Variants in INPP5F observed in about 807,000 individuals in gnomAD.
INPP5F encodes phosphatidylinositide 4-phosphatase SAC2.
INPP5F carries 97 observed loss-of-function variants against 137.2 expected under a neutral mutation model. The observed-to-expected ratio is 0.71, with a 90% CI of 0.60 to 0.84. The LOEUF (loss-of-function observed/expected upper bound fraction) is 0.84. Ranked by LOEUF, INPP5F falls within the 40% of genes least tolerant of loss-of-function variation. The pLI, the probability that INPP5F is intolerant of heterozygous loss-of-function variation, is 0.00. For synonymous variants in INPP5F, 504 were observed against 476.9 expected, an observed-to-expected ratio of 1.06 and a Z score of -0.74; for missense variants, 1,271 against 1,371.9, an observed-to-expected ratio of 0.93 and a Z score of 1.16.
intron 1 of INPP5F, among the ~76,000 whole-genome samples, chr10:119,737,246 A>G (rs370654637): frequency 6.6e-6 from 1 of 152,178 alleles, no homozygotes; most frequent in East Asian, 1.9e-4. Context: ...GCCTCCCTAT[A>G]TTATGAGATC....
At chr10:119,824,323 G>C (rs4752344) in intron 19 of INPP5F, among the ~76,000 whole-genome samples, 6 of 151,946 alleles carry the variant, frequency 3.9e-5, no homozygotes, top group African/African-American at 1.5e-4. Context: ...AGTTGTCTCT[G>C]TAGTTTAATG....
intron 1 of INPP5F, among the ~76,000 whole-genome samples, chr10:119,737,494 A>G (rs1848250279): frequency 6.6e-6 from 1 of 152,218 alleles, no homozygotes; most frequent in African/African-American, 2.4e-5. Flanking sequence ...TCTGATGCTC[A>G]GGGATTAGTA....
chr10:119,745,948 C>T (rs762692686), intron 1 of INPP5F, among the ~76,000 whole-genome samples: 9 of 152,040 alleles, frequency 5.9e-5, no homozygotes, highest in Middle Eastern at 3.2e-3. Context: ...GTGATCCGCC[C>T]GCCTTGGCCT....
At chr10:119,803,374 A>G (rs547144406) in intron 9 of INPP5F, among the ~76,000 whole-genome samples, 87 of 152,318 alleles carry the variant, frequency 5.7e-4, no homozygotes, top group African/African-American at 2.0e-3. Context: ...TAGACATCCC[A>G]GTATCATTTA....
Position 119,827,244 on chromosome 10 carries a change from C to G in INPP5F, c.2863C>G (p.Pro955Ala). ...DVHILTGFAK[P>A]MDIYCHRFVQ... The stretch of plus-strand genomic sequence containing the variant: ...ACACATATTGACTGGCTTTGCCAAG[C>G]CTATGGATATTTACTGCCACAGATT... The change falls in exon 20 of 20, where the codon CCT (proline) becomes GCT (alanine). Residue 955 changes from proline to alanine, a missense_variant. Pro to Ala is a conservative substitution (Grantham distance 27). Coordinates refer to ENST00000650623, the MANE Select transcript of INPP5F (RefSeq NM_014937.4). 6.2e-7 allele frequency: 1 copy of G among 1,614,070 alleles called. No homozygotes were observed. The highest frequency in any genetic ancestry group is 8.5e-7 in the Non-Finnish European group (1 of 1,180,006).
intron 18 of INPP5F, 73 bp downstream of exon 18, chr10:119,823,272 G>A: frequency 1.4e-6 from 2 of 1,455,684 alleles, no homozygotes; most frequent in Non-Finnish European, 1.9e-6. Flanking sequence ...ATGGAATTGG[G>A]GACATTTCAT....
chr10:119,814,054 G>A (rs1481148319), intron 15 of INPP5F, among the ~76,000 whole-genome samples: 4 of 151,732 alleles, frequency 2.6e-5, no homozygotes, highest in African/African-American at 4.8e-5. Flanking sequence ...TTGACTTCCC[G>A]ATAACAGGGA....
intron 2 of INPP5F, 117 bp from the exon 3 acceptor site, chr10:119,781,518 G>C: frequency 1.2e-6 from 1 of 851,312 alleles, no homozygotes; most frequent in South Asian, 3.3e-5. Context: ...TACTTTAAAA[G>C]TTTATTTTGG....
In INPP5F at chr10:119,811,858, G is replaced by C. The variant is rs750894495; in HGVS notation, c.1789G>C (p.Glu597Gln). 1 of 1,614,104 alleles carries C rather than the reference G, an allele frequency of 6.2e-7. No homozygotes were observed. Among genetic ancestry groups the C allele is most frequent in the East Asian group, 2.2e-5 (1 of 44,882 alleles). ...TAAGGAAAATCAGAGAAGCCACCAG[G>C]AACTAATTAGCCAGCTCTTACAAAG... The part of the protein sequence containing the change: ...LHKENQRSHQ[E>Q]LISQLLQSYM... The change falls in exon 15 of 20, where the codon GAA (glutamate) becomes CAA (glutamine). Residue 597 changes from glutamate to glutamine, a missense_variant. Glu to Gln is a conservative substitution (Grantham distance 29, BLOSUM62 2). Transcript: ENST00000650623.
At chr10:119,771,562 G>A (rs1408531886) in intron 2 of INPP5F, among the ~76,000 whole-genome samples, 2 of 151,856 alleles carry the variant, frequency 1.3e-5, no homozygotes, top group African/African-American at 4.8e-5. Context: ...TGAATCCTCT[G>A]AGAGTTTCTT....
At chr10:119,808,097 T>A in intron 13 of INPP5F, 37 bp downstream of exon 13, 2 of 1,600,274 alleles carry the variant, frequency 1.2e-6, no homozygotes, top group Non-Finnish European at 1.7e-6. Flanking sequence ...GGTCATTATG[T>A]AGGACACAGC....
chr10:119,798,254 G>T (rs1041020600), intron 8 of INPP5F, among the ~76,000 whole-genome samples: 2 of 151,978 alleles, frequency 1.3e-5, no homozygotes, highest in African/African-American at 4.8e-5. Context: ...TTTTAGAGGG[G>T]TTTTTATTCT....
chr10:119,727,289 T>C (rs910123126), intron 1 of INPP5F, among the ~76,000 whole-genome samples: 3 of 152,242 alleles, frequency 2.0e-5, no homozygotes, highest in African/African-American at 4.8e-5. Context: ...GTAATTCTTA[T>C]GTGCAGTCTA....
At chr10:119,803,668 G>C (rs1379476746) in intron 9 of INPP5F, among the ~76,000 whole-genome samples, 4 of 152,130 alleles carry the variant, frequency 2.6e-5, no homozygotes, top group Non-Finnish European at 5.9e-5. Flanking sequence ...ATTGAATTTT[G>C]ATTGGGATGG....
rs771467438 is a variant in INPP5F, at chr10:119,791,468, TAACA to T, written c.316-44_316-41del. 9.5e-6 allele frequency: 14 copies of T among 1,472,814 alleles called. No individual in the cohort carries two copies. In the African/African-American group the frequency reaches 2.0e-4, roughly 21 times the overall value. The allele number at this position is 1,472,814 out of a possible 1,614,324, so 91.2% of individuals were successfully genotyped here. The stretch of plus-strand genomic sequence containing the variant: ...GCATTCACTTTTGCACTCGAACATT[TAACA>T]AACAGGTATTAGTAATAACAAATCA... On this transcript the variant is annotated intron_variant, in intron 3 of 19. Transcript: ENST00000650623.
chr10:119,771,760 C>G (rs2134161112), intron 2 of INPP5F, among the ~76,000 whole-genome samples: 1 of 144,686 alleles, frequency 6.9e-6, no homozygotes, highest in African/African-American at 2.6e-5. Context: ...CAGTCTGATA[C>G]AAAGTGATCT....
chr10:119,737,645 A>G (rs1350808706), intron 1 of INPP5F, among the ~76,000 whole-genome samples: 1 of 152,248 alleles, frequency 6.6e-6, no homozygotes, highest in Non-Finnish European at 1.5e-5. Flanking sequence ...AATAATTACC[A>G]TTAGACAGTT....
intron 1 of INPP5F, among the ~76,000 whole-genome samples, chr10:119,731,864 T>C (rs1435376216): frequency 1.3e-5 from 2 of 152,196 alleles, no homozygotes; most frequent in Non-Finnish European, 2.9e-5. Flanking sequence ...TTTTACTCCA[T>C]ATTTTATATT....
intron 2 of INPP5F, among the ~76,000 whole-genome samples, chr10:119,763,513 G>A (rs1335798633): frequency 2.0e-5 from 3 of 152,220 alleles, no homozygotes; most frequent in Non-Finnish European, 4.4e-5. Context: ...GTCCTGGCCT[G>A]TAAAACCCAG....
Sources: gnomAD v4.1 joint callset for allele counts (sites outside exome capture counted in the v4.1 genomes callset) on GRCh38, gnomAD v4.1.1 for gene constraint, MANE v1.5 for transcripts, NCBI Gene and HGNC (gene_info 2026-07-23, HGNC 2026-07-21) for gene names.